IGSF21: variants seen among roughly 807,000 people sequenced by gnomAD.
IGSF21 encodes immunoglobulin superfamily member 21.
A neutral mutation model predicts 46.8 loss-of-function variants in IGSF21; 28 were observed. That is an observed-to-expected ratio of 0.60 (90% CI 0.44 to 0.82). The LOEUF (loss-of-function observed/expected upper bound fraction) is 0.82, where lower values mean the gene tolerates loss of function less well. Among genes scored for constraint, IGSF21 ranks in the 40% least tolerant of loss-of-function variants. The pLI is 0.00. For synonymous variants in IGSF21, 284 were observed against 273.6 expected (o/e 1.04, Z -0.38); for missense variants, 624 against 665.5 (o/e 0.94, Z 0.69).
chr1:18,299,965 C>A (rs1389386791), intron 3 of IGSF21, among the ~76,000 whole-genome samples: 2 of 152,136 alleles, frequency 1.3e-5, no homozygotes, highest in African/African-American at 4.8e-5. Flanking sequence ...GTGGCTCATG[C>A]CTGTAATCTA....
intron 1 of IGSF21, among the ~76,000 whole-genome samples, chr1:18,218,014 G>A (rs934520164): frequency 1.3e-5 from 2 of 152,212 alleles, no homozygotes; most frequent in South Asian, 2.1e-4. Flanking sequence ...TAAGTGCCAG[G>A]CACTGTTCTA....
At chr1:18,160,863 C>T (rs75869725) in intron 1 of IGSF21, among the ~76,000 whole-genome samples, 2,147 of 152,236 alleles carry the variant, frequency 0.014, 51 homozygotes, top group African/African-American at 0.046. Context: ...TGGGCTCTGA[C>T]GGTTAGGACC....
In IGSF21 at chr1:18,322,873, G is replaced by A. The variant is rs142040762; in HGVS notation, c.306-12019G>A. On this transcript the variant is annotated intron_variant, in intron 3 of 9. Coordinates refer to ENST00000251296, the MANE Select transcript of IGSF21 (RefSeq NM_032880.5). The surrounding 1 kb of genome is among the most constrained non-coding windows in gnomAD (Gnocchi z 4.3). ...CCGGTGGAGAAGAGCGGGAGATGTC[G>A]GAATGGGTGAAGGGGAGCGGGAAGC... 2.0e-3 allele frequency among the ~76,000 whole-genome samples: 308 copies of A among 152,292 alleles called. 2 individuals carry two copies. The highest frequency in any genetic ancestry group is 6.9e-3 in the African/African-American group (288 of 41,566).
intron 4 of IGSF21, among the ~76,000 whole-genome samples, chr1:18,344,511 A>G (rs1245430257): frequency 2.0e-5 from 3 of 152,092 alleles, no homozygotes; most frequent in African/African-American, 7.2e-5. Context: ...CCTGAGCAAA[A>G]CAGAAGTAAC....
At chr1:18,136,019 T>C (rs535039695) in intron 1 of IGSF21, among the ~76,000 whole-genome samples, 407 of 152,398 alleles carry the variant, frequency 2.7e-3, no homozygotes, top group African/African-American at 9.4e-3. Flanking sequence ...CCAGTGATGA[T>C]GAGCATTTTT....
intron 2 of IGSF21, among the ~76,000 whole-genome samples, chr1:18,259,711 T>C (rs1397489444): frequency 6.6e-6 from 1 of 152,080 alleles, no homozygotes. Flanking sequence ...GGATGAGGAA[T>C]GGTACACACG....
At chr1:18,320,239 CT>C (rs2085587391) in intron 3 of IGSF21, among the ~76,000 whole-genome samples, 1 of 152,176 alleles carries the variant, frequency 6.6e-6, no homozygotes, top group Admixed American at 6.5e-5. Context: ...GACAAAGGGG[CT>C]GATAGGAGAA....
intron 1 of IGSF21, among the ~76,000 whole-genome samples, chr1:18,147,954 A>C (rs1422492361): frequency 6.6e-6 from 1 of 151,774 alleles, no homozygotes; most frequent in Non-Finnish European, 1.5e-5. Context: ...ATGAGATCTG[A>C]TGGCTTTATA....
chr1:18,159,924 A>G (rs564773030), intron 1 of IGSF21, among the ~76,000 whole-genome samples: 121 of 152,202 alleles, frequency 7.9e-4, no homozygotes, highest in African/African-American at 2.9e-3. Context: ...CTTGTGATCC[A>G]TCCACCTTGG....
intron 1 of IGSF21, among the ~76,000 whole-genome samples, chr1:18,205,490 A>G (rs2124485876): frequency 6.6e-6 from 1 of 152,212 alleles, no homozygotes; most frequent in African/African-American, 2.4e-5. Flanking sequence ...TCTTGCTGAC[A>G]AGGAGAAGGA....
rs1355732348 is a variant in IGSF21, at chr1:18,292,128, T to C, written c.305+141T>C. ...AAGGCAGAACTGGGGGCTCCCCTTA[T>C]GGAAGTGGGACCCATTCCCTGGAGG... On this transcript the variant is annotated intron_variant, in intron 3 of 9. Coordinates refer to ENST00000251296, the MANE Select transcript of IGSF21 (RefSeq NM_032880.5). The C allele has an allele frequency of 5.6e-6, 5 of 894,504 alleles. No individual in the cohort carries two copies. In the African/African-American group the frequency reaches 8.3e-5, roughly 15 times the overall value. 55.4% of individuals were successfully genotyped at this position (894,504 alleles called of 1,614,324 possible). A position where few individuals can be genotyped will look rare whatever the true frequency, so the allele number is the denominator to read the frequency against.
chr1:18,249,811 G>A (rs953838324), intron 2 of IGSF21, among the ~76,000 whole-genome samples: 14 of 152,178 alleles, frequency 9.2e-5, no homozygotes, highest in African/African-American at 3.1e-4. Context: ...ACTGGCACGG[G>A]TGCTGGCAAC....
intron 1 of IGSF21, among the ~76,000 whole-genome samples, chr1:18,194,790 G>C (rs1322309533): frequency 1.3e-5 from 2 of 152,198 alleles, no homozygotes; most frequent in Non-Finnish European, 2.9e-5. Flanking sequence ...TTTTGACGGA[G>C]TGATAATGTC....
At chr1:18,345,559 A>G (rs929092283) in intron 4 of IGSF21, among the ~76,000 whole-genome samples, 1 of 151,872 alleles carries the variant, frequency 6.6e-6, no homozygotes, top group Admixed American at 6.6e-5. Flanking sequence ...TAATTTTTGT[A>G]TTTTTAGTAG....
At position 18,376,356 on chromosome 1, in the gene IGSF21, G is replaced by A; in HGVS notation, c.1062G>A (p.Arg354=). Residue 354 remains arginine (R), a synonymous_variant, in exon 7 of 10, where the codon CGG becomes CGA. Transcript: ENST00000251296. ...TTGTGATGACGCCCAGCAGAGCCCG[G>A]GTAGGGGACACAGTGAGGATTCTGG... ...PKIVMTPSRA[R]VGDTVRILVH... is the part of the protein sequence containing the mutation. The A allele has an allele frequency of 6.2e-7, 1 of 1,614,030 alleles. No individual in the cohort carries two copies. Among genetic ancestry groups the A allele is most frequent in the African/African-American group, 1.3e-5 (1 of 75,024 alleles).
At chr1:18,133,226 A>G (rs2086337898) in intron 1 of IGSF21, among the ~76,000 whole-genome samples, 1 of 152,206 alleles carries the variant, frequency 6.6e-6, no homozygotes, top group African/African-American at 2.4e-5. Context: ...CTCTGGCCCC[A>G]GCCCCAACCT....
intron 1 of IGSF21, among the ~76,000 whole-genome samples, chr1:18,202,619 T>C (rs1052244643): frequency 2.6e-5 from 4 of 151,914 alleles, no homozygotes; most frequent in African/African-American, 4.8e-5. Flanking sequence ...AAGAGCTATT[T>C]GTGAAACCAT....
At chr1:18,111,008 T>G (rs1218843888) in intron 1 of IGSF21, 2 of 152,234 alleles carry the variant, frequency 1.3e-5, no homozygotes, top group Admixed American at 6.5e-5. Context: ...GTTCTCTGTC[T>G]CCGCAGCCGC....
At chr1:18,214,409 T>C (rs1389474768) in intron 1 of IGSF21, among the ~76,000 whole-genome samples, 2 of 152,186 alleles carry the variant, frequency 1.3e-5, no homozygotes, top group African/African-American at 4.8e-5. Flanking sequence ...TCTGATGTTC[T>C]TTCATGGCCC....
Sources: gnomAD v4.1 joint callset for allele counts (sites outside exome capture counted in the v4.1 genomes callset) on GRCh38, gnomAD v4.1.1 for gene constraint, Gnocchi (gnomAD v3.1) non-coding constraint, MANE v1.5 for transcripts, NCBI Gene and HGNC (gene_info 2026-07-23, HGNC 2026-07-21) for gene names.